PXDNL: variants seen among roughly 807,000 people sequenced by gnomAD.
PXDNL encodes peroxidasin like, also known as probable oxidoreductase PXDNL.
PXDNL carries 145 observed loss-of-function variants against 150.8 expected under a neutral mutation model. The ratio of observed to expected loss-of-function variants is 0.96; its 90% CI spans 0.84 to 1.10. The LOEUF (loss-of-function observed/expected upper bound fraction) is 1.10, where lower values mean the gene tolerates loss of function less well. PXDNL is among the 50% of genes least tolerant of loss of function. The pLI is 0.00. For missense variants in PXDNL, 2,087 were observed against 1,873.9 expected (o/e 1.11, Z -2.10); for synonymous variants, 757 against 725.7 (o/e 1.04, Z -0.69).
chr8:51,663,231 C>T (rs1293699301), intron 1 of PXDNL, among the ~76,000 whole-genome samples: 2 of 152,188 alleles, frequency 1.3e-5, no homozygotes, highest in Non-Finnish European at 2.9e-5. Flanking sequence ...GCCCTGCCTG[C>T]GCTTAAATGT....
chr8:51,499,895 T>A, intron 4 of PXDNL, 125 bp from the exon 5 acceptor site: 1 of 626,322 alleles, frequency 1.6e-6, no homozygotes, highest in Non-Finnish European at 2.9e-6. Context: ...ATATATCACA[T>A]ACAAAAATCA....
At chr8:51,464,275 G>T (rs1475073821) in intron 8 of PXDNL, among the ~76,000 whole-genome samples, 1 of 102,490 alleles carries the variant, frequency 9.8e-6, no homozygotes, top group Non-Finnish European at 2.1e-5. Flanking sequence ...GAGGTGGAAT[G>T]ATTGTTTGAG....
intron 2 of PXDNL, among the ~76,000 whole-genome samples, chr8:51,644,491 G>C (rs1349306999): frequency 9.5e-5 from 14 of 147,160 alleles, no homozygotes; most frequent in Non-Finnish European, 1.8e-4. Context: ...ACGGAGTCTC[G>C]ATCTGTCGCC....
In PXDNL at chr8:51,320,784, CTCACAAATGCAG is replaced by C. The variant is rs1371086892; in HGVS notation, c.4248_4259del (p.His1416_Glu1420delinsGln). 6.2e-7 allele frequency: 1 copy of C among 1,611,426 alleles called. No individual in the cohort carries two copies. The highest frequency in any genetic ancestry group is 2.2e-5 in the East Asian group (1 of 44,796). ...GGACTGGAAAACTCGCAGCACAAACCTCACAAATGCAGTGAGTGCAGTCTTCTTTCATCCAGC... is the reference window on the plus strand; with the variant it reads ...GGACTGGAAAACTCGCAGCACAAACCTGAGTGCAGTCTTCTTTCATCCAGC... On this transcript the variant is annotated inframe_deletion and splice_region_variant, in exon 22 of 23. Coordinates refer to ENST00000356297, the MANE Select transcript of PXDNL (RefSeq NM_144651.5).
At chr8:51,755,974 A>G (rs1256810155) in intron 1 of PXDNL, among the ~76,000 whole-genome samples, 3 of 152,234 alleles carry the variant, frequency 2.0e-5, no homozygotes, top group African/African-American at 7.2e-5. Flanking sequence ...TTTCAATGGA[A>G]TTAGAAATTC....
intron 20 of PXDNL, among the ~76,000 whole-genome samples, chr8:51,342,127 G>A (rs1408686182): frequency 2.0e-5 from 3 of 151,982 alleles, no homozygotes; most frequent in Non-Finnish European, 4.4e-5. Context: ...ATGATCTCAT[G>A]TTAAGTGTTC....
intron 19 of PXDNL, among the ~76,000 whole-genome samples, chr8:51,369,678 T>G (rs1201784922): frequency 2.0e-5 from 3 of 152,190 alleles, no homozygotes; most frequent in Admixed American, 2.0e-4. Flanking sequence ...TGTATGTTTG[T>G]ATCCAGTTAA....
At chr8:51,321,975 G>A (rs1157353229) in intron 21 of PXDNL, among the ~76,000 whole-genome samples, 3 of 152,058 alleles carry the variant, frequency 2.0e-5, no homozygotes, top group Non-Finnish European at 4.4e-5. Flanking sequence ...GGTTAAATTA[G>A]GTCATGGGAG....
chr8:51,495,518 T>C (rs571601728), intron 5 of PXDNL, among the ~76,000 whole-genome samples: 28 of 151,916 alleles, frequency 1.8e-4, no homozygotes, highest in African/African-American at 4.8e-4. Context: ...ATCAACAAAA[T>C]TGATAGACCG....
intron 4 of PXDNL, among the ~76,000 whole-genome samples, chr8:51,552,552 A>G (rs950160899): frequency 1.3e-5 from 2 of 152,212 alleles, no homozygotes; most frequent in African/African-American, 4.8e-5. Context: ...GGAACTGGAG[A>G]CCATTATTCT....
intron 5 of PXDNL, among the ~76,000 whole-genome samples, chr8:51,493,280 G>A (rs1198936576): frequency 6.6e-6 from 1 of 152,132 alleles, no homozygotes; most frequent in Non-Finnish European, 1.5e-5. Context: ...AACCCCATCT[G>A]TACGTCACCA....
chr8:51,598,441 G>A (rs531972536), intron 2 of PXDNL, among the ~76,000 whole-genome samples: 26 of 152,196 alleles, frequency 1.7e-4, no homozygotes, highest in African/African-American at 5.8e-4. Flanking sequence ...TCATTATGAA[G>A]GGACGTTGAA....
chr8:51,334,755 A>C lies in PXDNL; in HGVS notation c.4146+4869T>G, dbSNP rs78233812. Among the ~76,000 whole-genome samples, 549 of 152,288 alleles carry C rather than the reference A, an allele frequency of 3.6e-3. 2 individuals carry two copies. Among genetic ancestry groups the C allele is most frequent in the African/African-American group, 0.012 (519 of 41,580 alleles). ...AAATTCCTGGAATTCCTATCCATCCAGAAGAAAAAATGTTTATTCCTTCCT... is the reference window on the plus strand; with the variant it reads ...AAATTCCTGGAATTCCTATCCATCCCGAAGAAAAAATGTTTATTCCTTCCT... On this transcript the variant is annotated intron_variant, in intron 21 of 22. Coordinates refer to ENST00000356297, the MANE Select transcript of PXDNL (RefSeq NM_144651.5).
At chr8:51,526,993 A>C (rs1811783433) in intron 4 of PXDNL, among the ~76,000 whole-genome samples, 1 of 152,040 alleles carries the variant, frequency 6.6e-6, no homozygotes, top group African/African-American at 2.4e-5. Context: ...CTTCCCACTC[A>C]GCCATCTGCT....
At position 51,507,815 on chromosome 8, in the gene PXDNL, A is replaced by G. The variant is rs575173395; in HGVS notation, c.381-8045T>C. 9.2e-5 allele frequency among the ~76,000 whole-genome samples: 14 copies of G among 152,292 alleles called. No individual in the cohort carries two copies. The South Asian group carries it at 1.9e-3, about 20-fold the overall frequency. On this transcript the variant is annotated intron_variant, in intron 4 of 22. Coordinates refer to ENST00000356297, the MANE Select transcript of PXDNL (RefSeq NM_144651.5). The stretch of plus-strand genomic sequence containing the variant: ...TGGGGAGGGACCAGGGTGTTGCTCA[A>G]CGTCCTATCCTACATGACCTGGGCC...
chr8:51,576,050 A>G (rs998056612), intron 3 of PXDNL, among the ~76,000 whole-genome samples: 24 of 148,596 alleles, frequency 1.6e-4, no homozygotes, highest in African/African-American at 5.9e-4. Flanking sequence ...CGAGAGAAAC[A>G]GATAAATGCA....
At chr8:51,373,585 G>T (rs565446341) in intron 18 of PXDNL, among the ~76,000 whole-genome samples, 2 of 152,110 alleles carry the variant, frequency 1.3e-5, no homozygotes, top group East Asian at 3.8e-4. Context: ...ACTATTAATT[G>T]TTACCAATGT....
chr8:51,344,555 A>G (rs1429640834), intron 20 of PXDNL, among the ~76,000 whole-genome samples: 1 of 152,204 alleles, frequency 6.6e-6, no homozygotes, highest in Non-Finnish European at 1.5e-5. Flanking sequence ...CCCAATAAGA[A>G]TTAATCACCC....
At chr8:51,539,224 T>C (rs963302218) in intron 4 of PXDNL, among the ~76,000 whole-genome samples, 1 of 152,102 alleles carries the variant, frequency 6.6e-6, no homozygotes, top group Non-Finnish European at 1.5e-5. Context: ...ATTGAGATGT[T>C]TTTATTATTT....
Sources: allele counts gnomAD v4.1 joint callset (sites outside exome capture counted in the v4.1 genomes callset), GRCh38; gene constraint gnomAD v4.1.1; transcripts MANE v1.5; gene names NCBI Gene and HGNC (gene_info 2026-07-23, HGNC 2026-07-21).